Variants in COL5A1 observed in about 807,000 individuals in gnomAD.
COL5A1 encodes the protein collagen type V alpha 1 chain, also known as collagen alpha-1(V) chain.
Under a neutral mutation model 263.7 loss-of-function variants are expected in COL5A1, and 16 were observed. That is an observed-to-expected ratio of 0.06 (90% CI 0.04 to 0.09). The LOEUF is 0.09. Ranked by LOEUF, COL5A1 falls within the 10% of genes least tolerant of loss-of-function variation. COL5A1 has a pLI of 1.00. For synonymous variants in COL5A1, 1,012 were observed against 1,004.5 expected, an observed-to-expected ratio of 1.01 and a Z score of -0.14; for missense variants, 2,036 against 2,540.5, an observed-to-expected ratio of 0.80 and a Z score of 4.27.
At chr9:134,833,957 G>A (rs560153708) in intron 64 of COL5A1, among the ~76,000 whole-genome samples, 25 of 152,336 alleles carry the variant, frequency 1.6e-4, no homozygotes, top group African/African-American at 5.8e-4. Flanking sequence ...GAGGTGGGGA[G>A]GAGCCTTCCC....
chr9:134,838,059 G>A (rs1237253024), intron 65 of COL5A1, among the ~76,000 whole-genome samples: 1 of 152,308 alleles, frequency 6.6e-6, no homozygotes, highest in East Asian at 1.9e-4. Context: ...CCGAGAACTG[G>A]GCTCAAGTCT....
In COL5A1 at chr9:134,730,474, A is replaced by G. The variant is rs150837465; in HGVS notation, c.1163A>G (p.Asn388Ser). ...TSTADTSNSS[N>S]PAPPPGEGAD... Reference sequence around the variant, plus strand: ...ACCGCCGACACCTCCAACTCCTCCAATGTAATTTCTTTCCTTCCCATTGGT... The same window carrying G: ...ACCGCCGACACCTCCAACTCCTCCAGTGTAATTTCTTTCCTTCCCATTGGT... The change falls in exon 7 of 66, where the codon AAT (asparagine) becomes AGT (serine). Residue 388 changes from asparagine to serine, a missense_variant and splice_region_variant. By Grantham distance (46) the Asn-to-Ser change is conservative. This residue lies in a region of COL5A1 where 600 missense variants were observed against 634.5 expected (regional missense o/e 0.95). Transcript: ENST00000371817. 79 of 1,613,842 alleles carry G rather than the reference A, an allele frequency of 4.9e-5. No individual in the cohort carries two copies. Among genetic ancestry groups the G allele is most frequent in the East Asian group, 8.9e-5 (4 of 44,840 alleles).
intron 37 of COL5A1, among the ~76,000 whole-genome samples, chr9:134,801,305 G>A (rs903511150): frequency 6.6e-6 from 1 of 152,248 alleles, no homozygotes; most frequent in Non-Finnish European, 1.5e-5. Flanking sequence ...AGGCGTTCAC[G>A]CCAAAGCAGG....
At chr9:134,648,643 T>C (rs971694221) in intron 1 of COL5A1, among the ~76,000 whole-genome samples, 9 of 152,204 alleles carry the variant, frequency 5.9e-5, no homozygotes, top group Non-Finnish European at 1.3e-4. Context: ...ATTACTGCCC[T>C]TGCCACCAGG....
chr9:134,767,586 G>A (rs1423714613), intron 24 of COL5A1, among the ~76,000 whole-genome samples: 4 of 152,226 alleles, frequency 2.6e-5, no homozygotes, highest in Non-Finnish European at 5.9e-5. Flanking sequence ...AGTATGTATA[G>A]GGGTTGCTGG....
At position 134,727,342 on chromosome 9, in the gene COL5A1, G is replaced by C; in HGVS notation, c.731G>C (p.Cys244Ser). The C allele has an allele frequency of 1.2e-6, 2 of 1,614,026 alleles. No homozygotes were observed. The highest frequency in any genetic ancestry group is 1.7e-6 in the Non-Finnish European group (2 of 1,179,928). Residue 244 changes from cysteine to serine, a missense_variant, in exon 5 of 66, where the codon TGT (cysteine) becomes TCT (serine). Cys to Ser is a moderately radical substitution (Grantham distance 112). Around this residue, in one of 3 missense-constraint regions of COL5A1, gnomAD observed 600 missense variants for 634.5 expected, o/e 0.95. Coordinates refer to ENST00000371817, the MANE Select transcript of COL5A1 (RefSeq NM_000093.5). Reference protein sequence around the residue: ...YDYCEHYSPDCDTAVPDTPQS... With the variant: ...YDYCEHYSPDSDTAVPDTPQS... ...TACTGTGAGCACTACAGCCCTGACT[G>C]TGACACCGCAGTACCTGACACCCCA...
In COL5A1 at chr9:134,836,174, C is replaced by T. The variant is rs368357993; in HGVS notation, c.5370+970C>T. ...AAACGGGAAGCGGTTTACTCCGCTC[C>T]CAGCTCTGCAGGCTGTCCAGGAATC... On this transcript the variant is annotated intron_variant, in intron 65 of 65. Transcript: ENST00000371817. Among the ~76,000 whole-genome samples the T allele has an allele frequency of 4.6e-5, 7 of 152,210 alleles. No homozygotes were observed. The East Asian group carries it at 9.6e-4, about 21-fold the overall frequency.
chr9:134,747,160 A>G (rs981038188), intron 11 of COL5A1, among the ~76,000 whole-genome samples: 1 of 152,018 alleles, frequency 6.6e-6, no homozygotes, highest in African/African-American at 2.4e-5. Context: ...TCTTCTCCAC[A>G]CTGTCTCCTT....
At chr9:134,810,991 G>A (rs1003399124) in intron 44 of COL5A1, among the ~76,000 whole-genome samples, 10 of 152,186 alleles carry the variant, frequency 6.6e-5, no homozygotes, top group African/African-American at 9.6e-5. Context: ...GGTGCTGGGC[G>A]CAAGGGCTCC....
chr9:134,774,721 G>T, intron 26 of COL5A1, 138 bp from the exon 27 acceptor site: 1 of 836,298 alleles, frequency 1.2e-6, no homozygotes, highest in Admixed American at 2.0e-5. Flanking sequence ...CCCACGGGGG[G>T]CCTCTCTGGA....
At chr9:134,683,040 C>G (rs189130425) in intron 1 of COL5A1, among the ~76,000 whole-genome samples, 100 of 152,344 alleles carry the variant, frequency 6.6e-4, no homozygotes, top group Non-Finnish European at 1.2e-3. Context: ...CGGCTTCCTT[C>G]CTGGGCAGGG....
intron 59 of COL5A1, 50 bp downstream of exon 59, chr9:134,822,200 G>A: frequency 7.2e-7 from 1 of 1,379,450 alleles, no homozygotes. Flanking sequence ...AGGGAGGGTG[G>A]GGATAAGCCT....
chr9:134,784,839 T>C (rs1476700109), intron 29 of COL5A1, 150 bp from the exon 30 acceptor site: 46 of 670,366 alleles, frequency 6.9e-5, no homozygotes, highest in Admixed American at 4.8e-4. Flanking sequence ...CGGGAGCAGC[T>C]CCGTGGTCTG....
Position 134,825,899 on chromosome 9 carries a change from G to C in COL5A1, c.5062G>C (p.Glu1688Gln). The change falls in exon 63 of 66, where the codon GAA (glutamate) becomes CAA (glutamine). Residue 1688 changes from glutamate to glutamine, a missense_variant. Transcript: ENST00000371817. ...ATGCGTCTTCCCTGACAAGAAGTCC[G>C]AAGGGGTGAGTAGCTGTGTCCCTCC... ...STCVFPDKKS[E>Q]GARITSWPKE... 6.2e-7 allele frequency: 1 copy of C among 1,609,398 alleles called. No individual in the cohort carries two copies. The highest frequency in any genetic ancestry group is 8.5e-7 in the Non-Finnish European group (1 of 1,176,222).
intron 6 of COL5A1, among the ~76,000 whole-genome samples, chr9:134,729,563 T>C (rs111469836): frequency 0.034 from 2,886 of 84,770 alleles, 59 homozygotes; most frequent in Middle Eastern, 0.051. Flanking sequence ...CATGAGCCTG[T>C]GTGTGTGAGC....
chr9:134,699,473 C>G (rs1833593998), intron 2 of COL5A1, among the ~76,000 whole-genome samples: 1 of 151,304 alleles, frequency 6.6e-6, no homozygotes, highest in African/African-American at 2.4e-5. Context: ...CTCTCCCTCC[C>G]TCCCCCTCCC....
intron 9 of COL5A1, among the ~76,000 whole-genome samples, chr9:134,737,796 C>T (rs1835158281): frequency 6.6e-6 from 1 of 152,140 alleles, no homozygotes; most frequent in Admixed American, 6.5e-5. Context: ...AGGCCCTGTC[C>T]CCATTGGGGT....
intron 1 of COL5A1, among the ~76,000 whole-genome samples, chr9:134,667,580 G>A (rs1428191826): frequency 6.6e-6 from 1 of 152,254 alleles, no homozygotes; most frequent in Non-Finnish European, 1.5e-5. Context: ...TCACCTTGGT[G>A]TCCAGCAGCA....
intron 9 of COL5A1, chr9:134,732,410 G>A (rs146583565): frequency 5.2e-6 from 3 of 572,838 alleles, no homozygotes; most frequent in Non-Finnish European, 9.4e-6. Context: ...GTGCTGGTCA[G>A]TTTCACCTGG....
Sources: gnomAD v4.1 joint callset for allele counts (sites outside exome capture counted in the v4.1 genomes callset) on GRCh38, gnomAD v4.1.1 for gene constraint, gnomAD v4.1.1 regional missense constraint, MANE v1.5 for transcripts, NCBI Gene and HGNC (gene_info 2026-07-23, HGNC 2026-07-21) for gene names.